Variants in CSMD1 observed in about 807,000 individuals in gnomAD.
CSMD1 encodes the protein CUB and sushi domain-containing protein 1.
In CSMD1, 213 loss-of-function variants were observed where a neutral mutation model predicts 417.5. The observed-to-expected ratio is 0.51, with a 90% confidence interval of 0.46 to 0.57. CSMD1 has a LOEUF of 0.57. Ranked by LOEUF, CSMD1 falls within the 20% of genes least tolerant of loss-of-function variation. CSMD1 has a pLI of 0.00. For missense variants in CSMD1, 6,923 were observed against 4,529.7 expected, an observed-to-expected ratio of 1.53 and a Z score of -15.17; for synonymous variants, 2,862 against 1,736.8, an observed-to-expected ratio of 1.65 and a Z score of -16.11.
chr8:3,266,807 C>G (rs1339072727), intron 26 of CSMD1, among the ~76,000 whole-genome samples: 1 of 150,544 alleles, frequency 6.6e-6, no homozygotes, highest in Non-Finnish European at 1.5e-5. Flanking sequence ...AAAGGACCAC[C>G]CTCAGATGAA....
intron 5 of CSMD1, among the ~76,000 whole-genome samples, chr8:3,953,535 T>C (rs1156960874): frequency 1.3e-5 from 2 of 151,790 alleles, no homozygotes; most frequent in Non-Finnish European, 2.9e-5. Context: ...TTGCCCTGAG[T>C]GGAGTTTTAC....
chr8:2,981,673 G>A (rs1805436910), intron 54 of CSMD1, among the ~76,000 whole-genome samples: 3 of 152,184 alleles, frequency 2.0e-5, no homozygotes, highest in Admixed American at 1.3e-4. Context: ...AGAACATGAT[G>A]TCTTATATAC....
intron 23 of CSMD1, among the ~76,000 whole-genome samples, chr8:3,309,947 G>A (rs924088482): frequency 6.6e-6 from 1 of 151,650 alleles, no homozygotes; most frequent in Non-Finnish European, 1.5e-5. Context: ...CTTCCACAAA[G>A]AGTCAGTCTT....
chr8:4,070,580 T>A (rs546647407), intron 3 of CSMD1, among the ~76,000 whole-genome samples: 27 of 152,102 alleles, frequency 1.8e-4, no homozygotes, highest in South Asian at 4.2e-4. Flanking sequence ...GATGGTCTCG[T>A]TCTCCTGACC....
chr8:3,073,064 C>G (rs561926178), intron 49 of CSMD1, among the ~76,000 whole-genome samples: 90 of 152,134 alleles, frequency 5.9e-4, no homozygotes, highest in Non-Finnish European at 1.2e-3. Context: ...ATTCCCAGTG[C>G]TATTTCTTAA....
intron 49 of CSMD1, among the ~76,000 whole-genome samples, chr8:3,056,868 C>G (rs1340404616): frequency 2.6e-5 from 4 of 151,690 alleles, no homozygotes; most frequent in African/African-American, 9.7e-5. Flanking sequence ...TATATGTACA[C>G]ATATAAATGC....
chr8:4,551,876 T>TG (rs1797886768), intron 2 of CSMD1, among the ~76,000 whole-genome samples: 1 of 146,944 alleles, frequency 6.8e-6, no homozygotes, highest in Non-Finnish European at 1.5e-5. Context: ...TTTGTAGAGA[T>TG]GGGGTATCAC....
At chr8:3,955,845 C>G (rs368942660) in intron 5 of CSMD1, among the ~76,000 whole-genome samples, 1 of 152,230 alleles carries the variant, frequency 6.6e-6, no homozygotes, top group Non-Finnish European at 1.5e-5. Flanking sequence ...CCCTGCCACA[C>G]TGAGATCTCT....
intron 3 of CSMD1, among the ~76,000 whole-genome samples, chr8:4,292,745 A>G (rs559862444): frequency 2.0e-5 from 3 of 152,270 alleles, no homozygotes; most frequent in African/African-American, 7.2e-5. Flanking sequence ...TAGTATCTTC[A>G]TCATTGTTCA....
At chr8:3,751,527 A>G (rs34257928) in intron 6 of CSMD1, among the ~76,000 whole-genome samples, 30,330 of 149,334 alleles carry the variant, frequency 0.2, 3,489 homozygotes, top group South Asian at 0.31. Context: ...ATGCTTCTAT[A>G]ATATATACAA....
intron 21 of CSMD1, 129 bp downstream of exon 21, chr8:3,359,023 G>A (rs10110364): frequency 0.065 from 51,265 of 787,154 alleles, 2,063 homozygotes; most frequent in African/African-American, 0.15. Flanking sequence ...TTGGCAGAGT[G>A]GAGCCCACAC....
chr8:4,275,723 A>G (rs1052542316), intron 3 of CSMD1, among the ~76,000 whole-genome samples: 3 of 152,224 alleles, frequency 2.0e-5, no homozygotes, highest in African/African-American at 4.8e-5. Context: ...TCCATTCACA[A>G]TGAGTATAAC....
In CSMD1 at chr8:3,307,910, C is replaced by T. The variant is rs143583166; in HGVS notation, c.3824-89G>A. On this transcript the variant is annotated intron_variant, in intron 24 of 69. Transcript: ENST00000635120. Reference sequence around the variant, plus strand: ...CTTTTCAAAACCAAAGCCATTATGTCTGCATTATATACATAGAGAAAAAGA... The same window carrying T: ...CTTTTCAAAACCAAAGCCATTATGTTTGCATTATATACATAGAGAAAAAGA... The T allele has an allele frequency of 5.2e-5, 73 of 1,405,648 alleles. No individual in the cohort carries two copies. In the East Asian group the frequency reaches 1.7e-3, roughly 33 times the overall value. 87.1% of individuals were successfully genotyped at this position (1,405,648 alleles called of 1,614,324 possible).
chr8:4,994,706 A>T lies in CSMD1; in HGVS notation c.-290T>A, dbSNP rs548102702. 1 of 362,772 alleles carries T rather than the reference A, an allele frequency of 2.8e-6. No homozygotes were observed. Among genetic ancestry groups the T allele is most frequent in the South Asian group, 4.6e-5 (1 of 21,554 alleles). The allele number at this position is 362,772 out of a possible 1,614,324, so 22.5% of individuals were successfully genotyped here. A position where few individuals can be genotyped will look rare whatever the true frequency, so the allele number is the denominator to read the frequency against. On this transcript the variant is annotated 5_prime_UTR_variant, in exon 1 of 70. Transcript: ENST00000635120. ...CGGCCGAGCCGGGCAGGAAGGCACCAAGGCGGCGAGGCTGCGGGAGGGGGA... is the reference window on the plus strand; with the variant it reads ...CGGCCGAGCCGGGCAGGAAGGCACCTAGGCGGCGAGGCTGCGGGAGGGGGA...
At chr8:3,525,311 C>T (rs1797708910) in intron 10 of CSMD1, among the ~76,000 whole-genome samples, 1 of 152,124 alleles carries the variant, frequency 6.6e-6, no homozygotes, top group African/African-American at 2.4e-5. Flanking sequence ...AAGGAATTAG[C>T]ATTTCCAGTG....
At chr8:4,017,781 T>G (rs1311890878) in intron 4 of CSMD1, among the ~76,000 whole-genome samples, 1 of 152,188 alleles carries the variant, frequency 6.6e-6, no homozygotes, top group Non-Finnish European at 1.5e-5. Flanking sequence ...AGAGATGTCC[T>G]CTTTGTAATC....
chr8:4,403,867 C>A (rs945037989), intron 3 of CSMD1, among the ~76,000 whole-genome samples: 2 of 152,106 alleles, frequency 1.3e-5, no homozygotes, highest in Non-Finnish European at 2.9e-5. Flanking sequence ...ATTTAACTTG[C>A]CTAAAAATGA....
chr8:4,423,221 C>G (rs1451877075), intron 2 of CSMD1, among the ~76,000 whole-genome samples: 1 of 151,824 alleles, frequency 6.6e-6, no homozygotes, highest in Non-Finnish European at 1.5e-5. Flanking sequence ...TACAATAATA[C>G]AAGAAAAGAA....
At chr8:4,043,433 G>C (rs763817093) in intron 3 of CSMD1, among the ~76,000 whole-genome samples, 5 of 152,148 alleles carry the variant, frequency 3.3e-5, no homozygotes, top group Non-Finnish European at 5.9e-5. Flanking sequence ...CACCTGCAAG[G>C]TGCACATCAT....
Sources: gnomAD v4.1 joint callset for allele counts (sites outside exome capture counted in the v4.1 genomes callset) on GRCh38, gnomAD v4.1.1 for gene constraint, MANE v1.5 for transcripts, NCBI Gene and HGNC (gene_info 2026-07-23, HGNC 2026-07-21) for gene names.